The following DIAPH2 variants were observed in gnomAD, a reference collection of about 807,000 sequenced individuals.
DIAPH2 encodes diaphanous related formin 2.
Under a neutral mutation model 92.7 loss-of-function variants are expected in DIAPH2, and 35 were observed. That is an observed-to-expected ratio of 0.38 (90% CI 0.29 to 0.50). The LOEUF (loss-of-function observed/expected upper bound fraction) is 0.50. Ranked by LOEUF, DIAPH2 falls within the 20% of genes least tolerant of loss-of-function variation. The probability of loss-of-function intolerance (pLI) is 0.94; values close to 1 mark genes in which losing one functional copy is unlikely to be tolerated. For missense variants in DIAPH2, 701 were observed against 819.5 expected, an observed-to-expected ratio of 0.86 and a Z score of 1.77; for synonymous variants, 301 against 280.4, an observed-to-expected ratio of 1.07 and a Z score of -0.73.
intron 26 of DIAPH2, among the ~76,000 whole-genome samples, chrX:97,559,208 C>T (rs557339536): frequency 2.0e-3 from 218 of 111,492 alleles, no homozygotes; most frequent in African/African-American, 6.9e-3. Context: ...TAAAACAGTC[C>T]GGGTCGGGCA....
At chrX:97,019,966 T>C (rs2066286571) in intron 17 of DIAPH2, among the ~76,000 whole-genome samples, 1 of 112,506 alleles carries the variant, frequency 8.9e-6, no homozygotes, top group South Asian at 3.7e-4. Context: ...CCACGACTCC[T>C]GTATTTTAAA....
intron 16 of DIAPH2, among the ~76,000 whole-genome samples, chrX:96,960,865 T>C (rs2065842754): frequency 8.9e-6 from 1 of 112,320 alleles, no homozygotes; most frequent in African/African-American, 3.2e-5. Context: ...TTATATAGTT[T>C]TCATTTTTCA....
At chrX:97,000,115 A>G (rs747031674) in intron 17 of DIAPH2, among the ~76,000 whole-genome samples, 3 of 112,039 alleles carry the variant, frequency 2.7e-5, no homozygotes, top group South Asian at 3.8e-4. Context: ...TTATCTTTCT[A>G]TTGATATCTG....
chrX:97,081,055 A>G (rs1388355886), intron 19 of DIAPH2, among the ~76,000 whole-genome samples: 1 of 112,249 alleles, frequency 8.9e-6, no homozygotes, highest in African/African-American at 3.2e-5. Context: ...TTTCTCTTAA[A>G]TAACAACTTG....
At chrX:96,850,756 T>C (rs773061904) in intron 4 of DIAPH2, among the ~76,000 whole-genome samples, 1 of 110,580 alleles carries the variant, frequency 9.0e-6, no homozygotes, top group Non-Finnish European at 1.9e-5. Flanking sequence ...AGAACTGTTA[T>C]TATGCCATAT....
intron 26 of DIAPH2, among the ~76,000 whole-genome samples, chrX:97,551,353 G>A (rs902744399): frequency 1.8e-5 from 2 of 111,078 alleles, no homozygotes; most frequent in East Asian, 2.8e-4. Context: ...ACTTTGGGAG[G>A]CTGAGACAGG....
At chrX:97,454,712 G>A (rs867739267) in intron 26 of DIAPH2, among the ~76,000 whole-genome samples, 7 of 110,415 alleles carry the variant, frequency 6.3e-5, no homozygotes, top group African/African-American at 2.0e-4. Flanking sequence ...AAAATTAGCC[G>A]GGTGTGGTGG....
chrX:97,018,544 T>G, intron 17 of DIAPH2, among the ~76,000 whole-genome samples: 1 of 112,176 alleles, frequency 8.9e-6, no homozygotes, highest in Non-Finnish European at 1.9e-5. Flanking sequence ...TAGTGATATA[T>G]TAAAAACCCA....
At chrX:97,403,713 A>G (rs1037998714) in intron 25 of DIAPH2, among the ~76,000 whole-genome samples, 4 of 111,728 alleles carry the variant, frequency 3.6e-5, no homozygotes, top group African/African-American at 1.3e-4. Context: ...TGGTTTTTAT[A>G]AAACATTAGG....
At chrX:97,251,227 A>G (rs2068185977) in intron 23 of DIAPH2, among the ~76,000 whole-genome samples, 1 of 111,915 alleles carries the variant, frequency 8.9e-6, no homozygotes, top group African/African-American at 3.2e-5. Flanking sequence ...GACACAGGAA[A>G]CTCCATAAAT....
At chrX:97,316,147 C>T (rs947091004) in intron 23 of DIAPH2, among the ~76,000 whole-genome samples, 7 of 111,306 alleles carry the variant, frequency 6.3e-5, no homozygotes, top group Non-Finnish European at 1.3e-4. Context: ...TGCCCTCTAG[C>T]GGGTTGGTTT....
chrX:96,995,389 A>G (rs966003839), intron 17 of DIAPH2, among the ~76,000 whole-genome samples: 6 of 111,746 alleles, frequency 5.4e-5, no homozygotes, highest in Non-Finnish European at 9.4e-5. Context: ...ATGAATTGTT[A>G]AATCCTATTG....
In DIAPH2 at chrX:96,962,318, TATATACAC is replaced by T. The variant is rs768561831; in HGVS notation, c.1936-2769_1936-2762del. On this transcript the variant is annotated intron_variant, in intron 16 of 26. Coordinates refer to ENST00000324765, the MANE Select transcript of DIAPH2 (RefSeq NM_006729.5). ...ATATATACATATATATATACATATA[TATATACAC>T]ATATATATATACATATATATATATA... 3.0e-3 allele frequency among the ~76,000 whole-genome samples: 163 copies of T among 54,785 alleles called. 1 individual carries two copies. The highest frequency in any genetic ancestry group is 0.011 in the South Asian group (10 of 898). 47.6% of individuals were successfully genotyped at this position (54,785 alleles called of 115,157 possible). A position where few individuals can be genotyped will look rare whatever the true frequency, so the allele number is the denominator to read the frequency against.
At chrX:97,442,982 C>T (rs2070274467) in intron 26 of DIAPH2, among the ~76,000 whole-genome samples, 1 of 111,524 alleles carries the variant, frequency 9.0e-6, no homozygotes, top group African/African-American at 3.3e-5. Context: ...CTCATGGGCT[C>T]AAGGGATTCT....
At chrX:97,476,403 TAG>T (rs1401631683) in intron 26 of DIAPH2, among the ~76,000 whole-genome samples, 2 of 111,925 alleles carry the variant, frequency 1.8e-5, no homozygotes, top group African/African-American at 6.5e-5. Flanking sequence ...ATGGCAAATG[TAG>T]AGGCACGCTA....
chrX:96,815,446 G>T (rs1027770816), intron 4 of DIAPH2, among the ~76,000 whole-genome samples: 1 of 111,791 alleles, frequency 8.9e-6, no homozygotes, highest in African/African-American at 3.2e-5. Context: ...GCTTCCCTTG[G>T]CTAGGAATTG....
intron 20 of DIAPH2, among the ~76,000 whole-genome samples, chrX:97,113,431 T>C (rs2066996439): frequency 9.0e-6 from 1 of 110,960 alleles, no homozygotes; most frequent in South Asian, 3.8e-4. Flanking sequence ...CCTGACCAGA[T>C]AAAAAAAAGT....
chrX:96,874,548 A>T (rs2147739002), intron 4 of DIAPH2, among the ~76,000 whole-genome samples: 1 of 112,380 alleles, frequency 8.9e-6, no homozygotes, highest in East Asian at 2.8e-4. Flanking sequence ...ATTGCTTATT[A>T]TCCAGATTGA....
At chrX:97,369,974 G>C (rs926207213) in intron 24 of DIAPH2, among the ~76,000 whole-genome samples, 6 of 111,423 alleles carry the variant, frequency 5.4e-5, no homozygotes, top group African/African-American at 2.0e-4. Context: ...CAGTGCTCTA[G>C]GTGGGTCTGG....
Sources: gnomAD v4.1 joint callset for allele counts (sites outside exome capture counted in the v4.1 genomes callset) on GRCh38, gnomAD v4.1.1 for gene constraint, MANE v1.5 for transcripts, NCBI Gene and HGNC (gene_info 2026-07-23, HGNC 2026-07-21) for gene names.